The following ATP9B variants were observed in gnomAD, a reference collection of about 807,000 sequenced individuals.
ATP9B encodes the protein probable phospholipid-transporting ATPase IIB.
A neutral mutation model predicts 146.1 loss-of-function variants in ATP9B; 110 were observed. The observed-to-expected ratio is 0.75, with a 90% CI of 0.65 to 0.88. The LOEUF (loss-of-function observed/expected upper bound fraction) is 0.88. Among genes scored for constraint, ATP9B ranks in the 40% least tolerant of loss-of-function variants. The pLI, the probability that ATP9B is intolerant of heterozygous loss-of-function variation, is 0.00. For missense variants in ATP9B, 1,499 were observed against 1,496.4 expected (o/e 1.00, Z -0.03); for synonymous variants, 604 against 569.7 (o/e 1.06, Z -0.86).
chr18:79,292,360 G>T (rs1346682908), intron 13 of ATP9B, among the ~76,000 whole-genome samples: 1 of 151,844 alleles, frequency 6.6e-6, no homozygotes, highest in Non-Finnish European at 1.5e-5. Context: ...AAGATTGTAG[G>T]ACGCAAGATC....
chr18:79,374,018 C>T lies in ATP9B; in HGVS notation c.3191C>T (p.Thr1064Met), dbSNP rs188693255. 126 of 1,614,188 alleles carry T rather than the reference C, an allele frequency of 7.8e-5. No individual in the cohort carries two copies. In the Admixed American group the frequency reaches 1.8e-3, roughly 24 times the overall value. The change falls in exon 28 of 30, where the codon ACG (threonine) becomes ATG (methionine). Residue 1064 changes from threonine to methionine, a missense_variant. Transcript: ENST00000426216. ...CTGATGGTGGCGCTGACCGTCCGCA[C>T]GTGGCACTGGCTGATGGTGGTGGCC... ...ELLMVALTVR[T>M]WHWLMVVAEF... is the part of the protein sequence containing the mutation.
intron 8 of ATP9B, among the ~76,000 whole-genome samples, chr18:79,185,059 C>T (rs955696243): frequency 1.3e-5 from 2 of 151,620 alleles, no homozygotes; most frequent in Non-Finnish European, 2.9e-5. Flanking sequence ...TCTGTACAAG[C>T]GATCAGCAGG....
intron 12 of ATP9B, among the ~76,000 whole-genome samples, chr18:79,266,597 T>G (rs190987631): frequency 1.3e-5 from 2 of 152,128 alleles, no homozygotes; most frequent in Non-Finnish European, 2.9e-5. Flanking sequence ...TATAGAAGCC[T>G]TTTAATGCCT....
At chr18:79,203,324 A>T (rs915012831) in intron 9 of ATP9B, among the ~76,000 whole-genome samples, 1 of 152,038 alleles carries the variant, frequency 6.6e-6, no homozygotes, top group Non-Finnish European at 1.5e-5. Flanking sequence ...TCTTAGAGGC[A>T]GGAGGGCGTA....
chr18:79,364,561 A>G (rs144834313), intron 26 of ATP9B, among the ~76,000 whole-genome samples: 1 of 152,316 alleles, frequency 6.6e-6, no homozygotes, highest in East Asian at 1.9e-4. Context: ...CTTCATGTGA[A>G]AATCCACCCA....
intron 5 of ATP9B, among the ~76,000 whole-genome samples, chr18:79,132,468 A>G (rs1023735732): frequency 6.6e-6 from 1 of 152,186 alleles, no homozygotes; most frequent in Admixed American, 6.5e-5. Context: ...CCTGAGCCAC[A>G]GTAGTTTTAG....
intron 28 of ATP9B, among the ~76,000 whole-genome samples, chr18:79,375,096 G>T (rs180900988): frequency 2.6e-4 from 40 of 152,326 alleles, no homozygotes; most frequent in Non-Finnish European, 4.6e-4. Context: ...GCCCTCCAGC[G>T]CGTGCGCCTT....
At chr18:79,300,121 G>T (rs1484880566) in intron 13 of ATP9B, 1 of 152,608 alleles carries the variant, frequency 6.6e-6, no homozygotes, top group African/African-American at 2.4e-5. Flanking sequence ...GGAAGCCACG[G>T]AAGAGGCTGC....
chr18:79,264,628 TA>T (rs2096181941), intron 12 of ATP9B, among the ~76,000 whole-genome samples: 1 of 152,056 alleles, frequency 6.6e-6, no homozygotes, highest in Non-Finnish European at 1.5e-5. Flanking sequence ...CATTATCTTC[TA>T]GAAGCTTAAC....
chr18:79,148,282 C>T (rs899238373), intron 6 of ATP9B, among the ~76,000 whole-genome samples: 3 of 152,170 alleles, frequency 2.0e-5, no homozygotes, highest in African/African-American at 7.2e-5. Flanking sequence ...GAGAATGGTA[C>T]ACTACCCAAC....
intron 1 of ATP9B, among the ~76,000 whole-genome samples, chr18:79,092,341 G>A (rs1789265): frequency 0.39 from 58,768 of 151,912 alleles, 11,795 homozygotes; most frequent in East Asian, 0.52. Flanking sequence ...TGTACTGAAT[G>A]CAGCAGGCAG....
intron 26 of ATP9B, 141 bp downstream of exon 26, chr18:79,359,603 G>C: frequency 2.9e-6 from 2 of 678,588 alleles, no homozygotes; most frequent in Non-Finnish European, 5.3e-6. Context: ...TGTTTTTTAT[G>C]TCTCCTAATT....
rs141689250 is a variant in ATP9B at position 79,184,260 on chromosome 18, A to T, written c.873+7353A>T. Among the ~76,000 whole-genome samples the T allele has an allele frequency of 2.5e-4, 38 of 152,340 alleles. 1 individual carries two copies. The highest frequency in any genetic ancestry group is 8.7e-4 in the African/African-American group (36 of 41,576). ...TTATTAAAATAGTTCCTATAGTTCC[A>T]GCTGATGCACAAAGACCTAGCAGAG... On this transcript the variant is annotated intron_variant, in intron 8 of 29. Coordinates refer to ENST00000426216, the MANE Select transcript of ATP9B (RefSeq NM_198531.5).
Position 79,347,819 on chromosome 18 carries a change from G to A in ATP9B, c.2732G>A (p.Arg911Gln), listed in dbSNP as rs141870686. The change falls in exon 24 of 30, where the codon CGG (arginine) becomes CAG (glutamine). Residue 911 changes from arginine (R) to glutamine (Q), a missense_variant. Transcript: ENST00000426216. The part of the protein sequence containing the change: ...LAADFSITQF[R>Q]HIGRLLMVHG... ...GCCGACTTCTCCATCACGCAGTTCC[G>A]GCACATAGGCAGGCTGCTCATGGTG... is the stretch of plus-strand genomic sequence containing the variant. The A allele has an allele frequency of 1.2e-5, 20 of 1,612,056 alleles. No individual in the cohort carries two copies. In the African/African-American group the frequency reaches 1.9e-4, roughly 15 times the overall value.
chr18:79,268,072 T>C (rs1415211778), intron 12 of ATP9B, among the ~76,000 whole-genome samples: 1 of 152,200 alleles, frequency 6.6e-6, no homozygotes, highest in Non-Finnish European at 1.5e-5. Context: ...CCTACTGGAT[T>C]AAGCAGTTTC....
chr18:79,347,772 G>A lies in ATP9B; in HGVS notation c.2685G>A (p.Glu895=), dbSNP rs1382617568. ...ADCGIGIEGK[E]GKQASLAADF... ...GGCCCCGTGTGCTTTTCTCTCAGGA[G>A]GGTAAACAGGCCTCGCTGGCGGCCG... Residue 895 remains glutamate (E), a splice_region_variant and synonymous_variant, in exon 24 of 30, where the codon GAG becomes GAA. Transcript: ENST00000426216. 2 of 1,556,866 alleles carry A rather than the reference G, an allele frequency of 1.3e-6. No individual in the cohort carries two copies. The highest frequency in any genetic ancestry group is 1.7e-6 in the Non-Finnish European group (2 of 1,152,748).
chr18:79,113,423 G>A (rs2094008363), intron 4 of ATP9B, 69 bp downstream of exon 4: 3 of 993,210 alleles, frequency 3.0e-6, no homozygotes, highest in East Asian at 2.7e-5. Context: ...GAGTTGAGAT[G>A]GTTAAAAGTT....
At chr18:79,163,867 T>TACACACACACACACACACAC (rs1491204627) in intron 7 of ATP9B, among the ~76,000 whole-genome samples, 1 of 77,762 alleles carries the variant, frequency 1.3e-5, no homozygotes, top group Non-Finnish European at 2.3e-5. Flanking sequence ...TATTTTATTT[T>TACACACACACACACACACAC]ATACACACAC....
intron 9 of ATP9B, among the ~76,000 whole-genome samples, chr18:79,202,365 A>G (rs1375615493): frequency 1.3e-5 from 2 of 152,238 alleles, no homozygotes; most frequent in Admixed American, 6.5e-5. Context: ...GTCCTTTAAC[A>G]TCACATTCCC....
Sources: gnomAD v4.1 joint callset for allele counts (sites outside exome capture counted in the v4.1 genomes callset) on GRCh38, gnomAD v4.1.1 for gene constraint, MANE v1.5 for transcripts, NCBI Gene and HGNC (gene_info 2026-07-23, HGNC 2026-07-21) for gene names.